Variants in FARS2 observed in about 807,000 individuals in gnomAD.
FARS2 encodes phenylalanyl-tRNA synthetase 2, mitochondrial, also known as phenylalanine--tRNA ligase, mitochondrial.
FARS2 carries 40 observed loss-of-function variants against 46.4 expected under a neutral mutation model. That is an observed-to-expected ratio of 0.86 (90% CI 0.67 to 1.12). The LOEUF is 1.12. FARS2 is among the 50% of genes most tolerant of loss of function. The pLI is 0.00. For synonymous variants in FARS2, 234 were observed against 214.9 expected (o/e 1.09, Z -0.78); for missense variants, 513 against 567.9 (o/e 0.90, Z 0.98).
rs1037578566 is a variant in FARS2, at chr6:5,682,516, G to A, written c.1217+69196G>A. ...GCTCTATCCGAAGGGAACACTGAAT[G>A]TGTCATTCTTTTCCACACTGAATTT... On this transcript the variant is annotated intron_variant, in intron 6 of 6. Coordinates refer to ENST00000274680, the MANE Select transcript of FARS2 (RefSeq NM_006567.5). Among the ~76,000 whole-genome samples the A allele has an allele frequency of 2.0e-5, 3 of 152,362 alleles. No individual in the cohort carries two copies. The East Asian group carries it at 5.8e-4, about 29-fold the overall frequency.
At chr6:5,364,513 T>TTG (rs148532709) in intron 1 of FARS2, among the ~76,000 whole-genome samples, 1 of 152,330 alleles carries the variant, frequency 6.6e-6, no homozygotes, top group Non-Finnish European at 1.5e-5. Context: ...CTACATATAT[T>TTG]TGTGACTAGG....
intron 3 of FARS2, among the ~76,000 whole-genome samples, chr6:5,425,532 C>T (rs534504803): frequency 6.6e-6 from 1 of 152,288 alleles, no homozygotes; most frequent in African/African-American, 2.4e-5. Context: ...CACACACCCG[C>T]CCTGCAAGTG....
intron 4 of FARS2, among the ~76,000 whole-genome samples, chr6:5,504,178 T>A (rs1767970798): frequency 6.6e-6 from 1 of 152,120 alleles, no homozygotes; most frequent in Non-Finnish European, 1.5e-5. Flanking sequence ...AACAACTACG[T>A]TATGGAAATA....
chr6:5,645,634 C>T (rs1230293397), intron 6 of FARS2, among the ~76,000 whole-genome samples: 1 of 152,176 alleles, frequency 6.6e-6, no homozygotes, highest in Non-Finnish European at 1.5e-5. Context: ...GAAGCTGGTG[C>T]ATGTGGAGGC....
intron 4 of FARS2, among the ~76,000 whole-genome samples, chr6:5,453,640 C>T (rs1764641606): frequency 6.6e-6 from 1 of 152,196 alleles, no homozygotes; most frequent in African/African-American, 2.4e-5. Flanking sequence ...GAATCCAAAT[C>T]TGCAAATTAT....
intron 5 of FARS2, among the ~76,000 whole-genome samples, chr6:5,555,335 G>T (rs560193147): frequency 6.6e-6 from 1 of 152,174 alleles, no homozygotes; most frequent in East Asian, 1.9e-4. Context: ...CTAATACAGT[G>T]TGTAACACTG....
chr6:5,336,175 A>T (rs991528615), intron 1 of FARS2, among the ~76,000 whole-genome samples: 6 of 152,026 alleles, frequency 3.9e-5, no homozygotes. Context: ...TATTTTTCAG[A>T]TACTAAAAGT....
At chr6:5,282,142 T>C (rs1380918332) in intron 1 of FARS2, among the ~76,000 whole-genome samples, 1 of 152,224 alleles carries the variant, frequency 6.6e-6, no homozygotes, top group East Asian at 1.9e-4. Flanking sequence ...CAGATGGCTT[T>C]TTAGTCATTT....
At position 5,369,047 on chromosome 6, in the gene FARS2, C is replaced by G; in HGVS notation, c.477C>G (p.His159Gln). The G allele has an allele frequency of 1.2e-6, 2 of 1,614,116 alleles. No individual in the cohort carries two copies. The highest frequency in any genetic ancestry group is 1.7e-6 in the Non-Finnish European group (2 of 1,180,002). ...THMLRAHTSA[H>Q]QWDLLHAGLD... is the part of the protein sequence containing the mutation. ...TGCTGAGAGCGCACACGTCTGCACACCAGTGGGACTTGCTGCACGCGGGAC... is the reference window on the plus strand; with the variant it reads ...TGCTGAGAGCGCACACGTCTGCACAGCAGTGGGACTTGCTGCACGCGGGAC... Residue 159 changes from histidine (H) to glutamine (Q), a missense_variant, in exon 2 of 7, where the codon CAC becomes CAG. Physicochemically the swap from His to Gln is conservative, Grantham distance 24. Coordinates refer to ENST00000274680, the MANE Select transcript of FARS2 (RefSeq NM_006567.5).
At chr6:5,749,294 CAGG>C (rs1761813621) in intron 6 of FARS2, among the ~76,000 whole-genome samples, 3 of 152,248 alleles carry the variant, frequency 2.0e-5, no homozygotes, top group Non-Finnish European at 4.4e-5. Context: ...TGGGGACAGG[CAGG>C]CTGGCTAAGC....
intron 2 of FARS2, among the ~76,000 whole-genome samples, chr6:5,376,383 C>CA (rs1341325909): frequency 9.2e-5 from 14 of 152,152 alleles, no homozygotes; most frequent in African/African-American, 3.1e-4. Flanking sequence ...ATAATCCTCA[C>CA]AATACCAAAG....
At chr6:5,652,860 C>A (rs1358931781) in intron 6 of FARS2, among the ~76,000 whole-genome samples, 3 of 152,216 alleles carry the variant, frequency 2.0e-5, no homozygotes, top group African/African-American at 7.2e-5. Flanking sequence ...AATGGGGGAG[C>A]TGCCCCAGAC....
intron 1 of FARS2, among the ~76,000 whole-genome samples, chr6:5,362,976 G>T (rs576601020): frequency 1.4e-5 from 2 of 142,982 alleles, no homozygotes; most frequent in African/African-American, 5.1e-5. Context: ...GCCCAGGCTG[G>T]AGTGCAGTGG....
intron 6 of FARS2, among the ~76,000 whole-genome samples, chr6:5,691,843 G>A (rs1022931949): frequency 6.6e-6 from 1 of 152,156 alleles, no homozygotes. Flanking sequence ...CACCCAGTTC[G>A]AGCTTCCTGG....
intron 3 of FARS2, among the ~76,000 whole-genome samples, chr6:5,429,787 T>C (rs1225566668): frequency 6.6e-6 from 1 of 152,150 alleles, no homozygotes; most frequent in African/African-American, 2.4e-5. Flanking sequence ...CAGTCCAGCC[T>C]GGGTGACAGT....
chr6:5,369,989 A>G (rs989120198), intron 2 of FARS2, among the ~76,000 whole-genome samples: 2 of 151,802 alleles, frequency 1.3e-5, no homozygotes, highest in Admixed American at 1.3e-4. Context: ...CTCTGTTTTT[A>G]TATAAGAAAC....
intron 4 of FARS2, among the ~76,000 whole-genome samples, chr6:5,499,651 T>G (rs1014141813): frequency 2.6e-5 from 4 of 152,224 alleles, no homozygotes; most frequent in African/African-American, 9.6e-5. Context: ...GTAGAGTTCT[T>G]ACCGTTTGCT....
chr6:5,464,392 G>A (rs1352818183), intron 4 of FARS2, among the ~76,000 whole-genome samples: 1 of 152,212 alleles, frequency 6.6e-6, no homozygotes, highest in Admixed American at 6.5e-5. Flanking sequence ...AGAGCATTCT[G>A]GGTGGAGTCA....
intron 4 of FARS2, among the ~76,000 whole-genome samples, chr6:5,459,575 A>G (rs1765116775): frequency 6.6e-6 from 1 of 152,034 alleles, no homozygotes; most frequent in Non-Finnish European, 1.5e-5. Flanking sequence ...AGCGGGAGGG[A>G]CATCATTTTG....
Sources: allele counts gnomAD v4.1 joint callset (sites outside exome capture counted in the v4.1 genomes callset), GRCh38; gene constraint gnomAD v4.1.1; transcripts MANE v1.5; gene names NCBI Gene and HGNC (gene_info 2026-07-23, HGNC 2026-07-21).